SPTBN1: variants seen among roughly 807,000 people sequenced by gnomAD.
The protein encoded by SPTBN1 is spectrin beta, non-erythrocytic 1.
Under a neutral mutation model 266.4 loss-of-function variants are expected in SPTBN1, and 32 were observed. The ratio of observed to expected loss-of-function variants is 0.12; its 90% CI spans 0.09 to 0.16. The LOEUF (loss-of-function observed/expected upper bound fraction) is 0.16, where lower values mean the gene tolerates loss of function less well. Ranked by LOEUF, SPTBN1 falls within the 10% of genes least tolerant of loss-of-function variation. SPTBN1 has a pLI of 1.00. For missense variants in SPTBN1, 2,296 were observed against 3,067.1 expected, an observed-to-expected ratio of 0.75 and a Z score of 5.94; for synonymous variants, 1,336 against 1,162.2, an observed-to-expected ratio of 1.15 and a Z score of -3.04.
intron 7 of SPTBN1, among the ~76,000 whole-genome samples, chr2:54,619,580 T>G (rs1015341498): frequency 6.6e-6 from 1 of 152,230 alleles, no homozygotes. Flanking sequence ...TCTTGATTAT[T>G]AGTTGTCCAG....
chr2:54,579,817 T>TGA (rs1015324960), intron 2 of SPTBN1, among the ~76,000 whole-genome samples: 5 of 152,232 alleles, frequency 3.3e-5, no homozygotes, highest in South Asian at 2.1e-4. Flanking sequence ...GAAAGTATAG[T>TGA]GAGAGAGAGA....
chr2:54,657,712 A>T, intron 29 of SPTBN1, 138 bp from the exon 30 acceptor site: 1 of 986,672 alleles, frequency 1.0e-6, no homozygotes, highest in African/African-American at 1.6e-5. Flanking sequence ...TTTACATTGG[A>T]CAGGGCTAAT....
Position 54,599,175 on chromosome 2 carries a change from C to T in SPTBN1, c.232C>T (p.Leu78=). 1 of 1,614,216 alleles carries T rather than the reference C, an allele frequency of 6.2e-7. No homozygotes were observed. Among genetic ancestry groups the T allele is most frequent in the Non-Finnish European group, 8.5e-7 (1 of 1,180,036 alleles). Residue 78 remains leucine (L), a synonymous_variant, in exon 3 of 36, where the codon CTG becomes TTG. Coordinates refer to ENST00000356805, the MANE Select transcript of SPTBN1 (RefSeq NM_003128.3). ...LARVSCRITD[L]YTDLRDGRML... is the part of the protein sequence containing the mutation. ...CCGTGTGTCCTGCCGGATCACAGAC[C>T]TGTACACTGACCTTCGAGATGGACG...
rs189000106 is a variant in SPTBN1, at chr2:54,514,744, C to T, written c.-47-11628C>T. On this transcript the variant is annotated intron_variant, in intron 1 of 35. Coordinates refer to ENST00000356805, the MANE Select transcript of SPTBN1 (RefSeq NM_003128.3). Reference sequence around the variant, plus strand: ...TGAGGCTTTTTTCAAGTGTTCGAAACTGCCGTTGCAAAACTCTAACTGAGA... The same window carrying T: ...TGAGGCTTTTTTCAAGTGTTCGAAATTGCCGTTGCAAAACTCTAACTGAGA... Among the ~76,000 whole-genome samples, 359 of 152,332 alleles carry T rather than the reference C, an allele frequency of 2.4e-3. 1 individual carries two copies. The highest frequency in any genetic ancestry group is 5.0e-3 in the South Asian group (24 of 4,832).
chr2:54,565,910 A>G (rs1449856974), intron 2 of SPTBN1, among the ~76,000 whole-genome samples: 2 of 152,370 alleles, frequency 1.3e-5, no homozygotes, highest in South Asian at 2.1e-4. Context: ...ACTAGTAAAT[A>G]TAGTACAGCA....
rs779390517 is a variant in SPTBN1 at position 54,554,409 on chromosome 2, T to C, written c.148+27843T>C. 2.0e-5 allele frequency among the ~76,000 whole-genome samples: 3 copies of C among 152,156 alleles called. No individual in the cohort carries two copies. Among genetic ancestry groups the C allele is most frequent in the African/African-American group, 7.2e-5 (3 of 41,442 alleles). On this transcript the variant is annotated intron_variant, in intron 2 of 35. Coordinates refer to ENST00000356805, the MANE Select transcript of SPTBN1 (RefSeq NM_003128.3). The surrounding 1 kb of genome is among the most constrained non-coding windows in gnomAD (Gnocchi z 4.5). The stretch of plus-strand genomic sequence containing the variant: ...ACAGGGTTAGTCACTTGAGAAAATA[T>C]ATGTGGAAGCATTCTGTAAGCTACC...
In SPTBN1 at chr2:54,626,340, C is replaced by G. The variant is rs1329720536; in HGVS notation, c.1644+106C>G. On this transcript the variant is annotated intron_variant, in intron 12 of 35. Transcript: ENST00000356805. This position sits in a 1 kb window ranked among gnomAD's most constrained non-coding sequence, Gnocchi z 4.7. Reference sequence around the variant, plus strand: ...ACGTACAGCTGTGTGCCTTGTCTAACTGCCCACATGTACAGCTAGAGAGGA... The same window carrying G: ...ACGTACAGCTGTGTGCCTTGTCTAAGTGCCCACATGTACAGCTAGAGAGGA... 7.4e-6 allele frequency: 10 copies of G among 1,351,820 alleles called. No homozygotes were observed. The East Asian group carries it at 2.3e-4, about 31-fold the overall frequency. 83.7% of individuals were successfully genotyped at this position (1,351,820 alleles called of 1,614,324 possible).
intron 16 of SPTBN1, 126 bp from the exon 17 acceptor site, chr2:54,632,440 T>G: frequency 9.8e-7 from 1 of 1,023,906 alleles, no homozygotes; most frequent in Admixed American, 2.4e-5. Context: ...TAATTTGATG[T>G]GATTTAATTA....
intron 4 of SPTBN1, among the ~76,000 whole-genome samples, chr2:54,614,406 G>A (rs188756010): frequency 5.1e-4 from 77 of 152,180 alleles, no homozygotes; most frequent in African/African-American, 1.6e-3. Flanking sequence ...GTGTGCGTGC[G>A]TGTGCTCTCA....
At position 54,655,952 on chromosome 2, in the gene SPTBN1, A is replaced by G. The variant is rs35212358; in HGVS notation, c.6000A>G (p.Lys2000=). 4 of 1,613,692 alleles carry G rather than the reference A, an allele frequency of 2.5e-6. No homozygotes were observed. The highest frequency in any genetic ancestry group is 3.4e-6 in the Non-Finnish European group (4 of 1,179,650). Residue 2000 remains lysine, a synonymous_variant, in exon 29 of 36, where the codon AAA becomes AAG. Transcript: ENST00000356805. Reference sequence around the variant, plus strand: ...TACTGCAGTTGACGGAAAAGAGGAAAGAAATGATCGACAAGTGGGAAGACC... The same window carrying G: ...TACTGCAGTTGACGGAAAAGAGGAAGGAAATGATCGACAAGTGGGAAGACC... ...EKLLQLTEKR[K]EMIDKWEDRW... is the part of the protein sequence containing the mutation.
intron 8 of SPTBN1, among the ~76,000 whole-genome samples, chr2:54,621,717 A>G (rs1678004685): frequency 6.6e-6 from 1 of 152,236 alleles, no homozygotes; most frequent in East Asian, 1.9e-4. Context: ...TCTGGGGGCT[A>G]TCTCAAACCC....
At chr2:54,632,936 T>C (rs1329231859) in intron 17 of SPTBN1, among the ~76,000 whole-genome samples, 168 bp downstream of exon 17, 1 of 152,216 alleles carries the variant, frequency 6.6e-6, no homozygotes, top group African/African-American at 2.4e-5. Context: ...GAGCTGTGCA[T>C]GACTGCCTGA....
intron 1 of SPTBN1, among the ~76,000 whole-genome samples, chr2:54,472,163 G>T (rs894393288): frequency 2.0e-5 from 3 of 150,892 alleles, no homozygotes; most frequent in Non-Finnish European, 2.9e-5. Context: ...GAGTAGCTGG[G>T]ACTACAGGCA....
chr2:54,640,373 G>C (rs1304998880), intron 18 of SPTBN1, among the ~76,000 whole-genome samples: 1 of 152,024 alleles, frequency 6.6e-6, no homozygotes, highest in African/African-American at 2.4e-5. Flanking sequence ...GTTAGAGAAG[G>C]TGTGGATTGT....
intron 4 of SPTBN1, among the ~76,000 whole-genome samples, chr2:54,615,469 G>A (rs2103823343): frequency 6.6e-6 from 1 of 152,352 alleles, no homozygotes; most frequent in South Asian, 2.1e-4. Flanking sequence ...GTAGCTGGCA[G>A]TTGGCGCCTA....
chr2:54,583,300 T>C (rs944196527), intron 2 of SPTBN1, among the ~76,000 whole-genome samples: 1 of 152,182 alleles, frequency 6.6e-6, no homozygotes, highest in Non-Finnish European at 1.5e-5. Context: ...GTCAGTAAAC[T>C]GTAAACTCTT....
intron 1 of SPTBN1, among the ~76,000 whole-genome samples, chr2:54,493,681 C>G (rs1668812467): frequency 1.3e-5 from 2 of 152,204 alleles, no homozygotes; most frequent in South Asian, 4.1e-4. Flanking sequence ...GGATTACAGG[C>G]ATGAGCCACC....
intron 2 of SPTBN1, 73 bp from the exon 3 acceptor site, chr2:54,599,019 T>C: frequency 1.3e-6 from 2 of 1,557,300 alleles, no homozygotes; most frequent in Non-Finnish European, 1.7e-6. Context: ...TGGGGTCTTG[T>C]GGCCCTGCTA....
chr2:54,586,839 G>A (rs1487265115), intron 2 of SPTBN1, among the ~76,000 whole-genome samples: 2 of 152,160 alleles, frequency 1.3e-5, no homozygotes, highest in Admixed American at 6.5e-5. Flanking sequence ...TGTTGGCGAC[G>A]TCAGCTTCTG....
Sources: gnomAD v4.1 joint callset for allele counts (sites outside exome capture counted in the v4.1 genomes callset) on GRCh38, gnomAD v4.1.1 for gene constraint, Gnocchi (gnomAD v3.1) non-coding constraint, MANE v1.5 for transcripts, NCBI Gene and HGNC (gene_info 2026-07-23, HGNC 2026-07-21) for gene names.